The following CD36 variants were observed in gnomAD, a reference collection of about 807,000 sequenced individuals.
CD36 encodes the protein CD36 molecule (CD36 blood group), also known as platelet glycoprotein 4.
Under a neutral mutation model 55.2 loss-of-function variants are expected in CD36, and 119 were observed. The ratio of observed to expected loss-of-function variants is 2.15; its 90% CI spans 1.86 to 2.51. CD36 has a LOEUF of 2.51. Ranked by LOEUF, CD36 falls within the 30% of genes most tolerant of loss-of-function variation. The pLI is 0.00. For synonymous variants in CD36, 186 were observed against 193.6 expected (o/e 0.96, Z 0.33); for missense variants, 819 against 555.5 (o/e 1.47, Z -4.77).
At chr7:80,673,634 G>T in intron 13 of CD36, 1 of 559,552 alleles carries the variant, frequency 1.8e-6, no homozygotes, top group South Asian at 2.3e-5. Flanking sequence ...ACATTTTCTT[G>T]TTGTAACATT....
At chr7:80,632,683 A>G (rs1794153387) in intron 1 of CD36, among the ~76,000 whole-genome samples, 1 of 152,028 alleles carries the variant, frequency 6.6e-6, no homozygotes, top group Non-Finnish European at 1.5e-5. Context: ...TATGGTTTAA[A>G]CAAAATAAGA....
intron 3 of CD36, among the ~76,000 whole-genome samples, chr7:80,655,317 G>C (rs975241073): frequency 3.3e-5 from 5 of 152,164 alleles, no homozygotes; most frequent in Non-Finnish European, 7.3e-5. Flanking sequence ...GGCTCAGAGA[G>C]TGAAAGCTGT....
intron 1 of CD36, among the ~76,000 whole-genome samples, chr7:80,613,254 T>C (rs1268931850): frequency 1.3e-5 from 2 of 152,118 alleles, no homozygotes. Context: ...AATTCAAAGT[T>C]TCAGTGCCAT....
intron 1 of CD36, among the ~76,000 whole-genome samples, chr7:80,628,564 C>T (rs1489440884): frequency 2.0e-5 from 3 of 151,984 alleles, no homozygotes; most frequent in Non-Finnish European, 2.9e-5. Flanking sequence ...TGTTTCTTGA[C>T]TGCACTCATG....
chr7:80,612,801 T>A, intron 1 of CD36, among the ~76,000 whole-genome samples: 1 of 152,174 alleles, frequency 6.6e-6, no homozygotes. Context: ...GGGCTCAATC[T>A]AGCTATTTAA....
At chr7:80,640,400 A>C (rs1794724944) in intron 1 of CD36, among the ~76,000 whole-genome samples, 1 of 152,054 alleles carries the variant, frequency 6.6e-6, no homozygotes, top group African/African-American at 2.4e-5. Flanking sequence ...GTAATATTTC[A>C]AAATAACAAT....
At chr7:80,605,597 A>C (rs1427844871) in intron 1 of CD36, among the ~76,000 whole-genome samples, 1 of 152,166 alleles carries the variant, frequency 6.6e-6, no homozygotes, top group African/African-American at 2.4e-5. Context: ...TCGTTTTTGC[A>C]TCATTTACTC....
Position 80,676,471 on chromosome 7 carries a change from CA to C in CD36, c.*90del, listed in dbSNP as rs1798168633. ...AATTCAGAAGAAGAGTGTACATGCT[CA>C]ACAAATCCTAGGCCCTGCATTCCTG... On this transcript the variant is annotated 3_prime_UTR_variant, in exon 15 of 15. Transcript: ENST00000447544. 1 of 152,098 alleles carries C rather than the reference CA, an allele frequency of 6.6e-6. No individual in the cohort carries two copies. Among genetic ancestry groups the C allele is most frequent in the Admixed American group, 6.6e-5 (1 of 15,250 alleles). 9.4% of individuals were successfully genotyped at this position (152,098 alleles called of 1,614,324 possible). A position where few individuals can be genotyped will look rare whatever the true frequency, so the allele number is the denominator to read the frequency against.
At chr7:80,645,603 G>A (rs1009742047) in intron 1 of CD36, among the ~76,000 whole-genome samples, 5 of 152,128 alleles carry the variant, frequency 3.3e-5, no homozygotes, top group South Asian at 2.1e-4. Context: ...CTGCACTCCA[G>A]CCTGGGTGAC....
intron 1 of CD36, among the ~76,000 whole-genome samples, chr7:80,620,062 A>G (rs1460613297): frequency 1.3e-5 from 2 of 152,118 alleles, no homozygotes; most frequent in East Asian, 3.9e-4. Flanking sequence ...TGAAGATGCT[A>G]TGAACACTGT....
chr7:80,603,842 G>A (rs1792386005), intron 1 of CD36, among the ~76,000 whole-genome samples: 1 of 151,786 alleles, frequency 6.6e-6, no homozygotes, highest in East Asian at 1.9e-4. Flanking sequence ...TGTAGAGTGG[G>A]ATGATTAAAT....
intron 1 of CD36, among the ~76,000 whole-genome samples, chr7:80,641,906 A>T (rs958472370): frequency 6.6e-6 from 1 of 151,564 alleles, no homozygotes; most frequent in South Asian, 2.1e-4. Context: ...TATTTTGCTT[A>T]AAAGTTCATT....
chr7:80,656,429 G>A (rs984755555), intron 3 of CD36, 111 bp from the exon 4 acceptor site: 1 of 852,326 alleles, frequency 1.2e-6, no homozygotes, highest in Non-Finnish European at 2.0e-6. Context: ...CATGAATGAG[G>A]TACTTGGGCT....
chr7:80,665,177 C>G (rs899581439), intron 7 of CD36, among the ~76,000 whole-genome samples: 1 of 151,166 alleles, frequency 6.6e-6, no homozygotes, highest in African/African-American at 2.4e-5. Context: ...AATAACAAAT[C>G]AGCTTCCTAA....
intron 11 of CD36, 97 bp from the exon 12 acceptor site, chr7:80,672,673 G>A: frequency 1.2e-6 from 1 of 832,362 alleles, no homozygotes; most frequent in Non-Finnish European, 2.0e-6. Flanking sequence ...TTAACCTTAA[G>A]TTACTACCTT....
rs1350375035 is a variant in CD36 at position 80,646,744 on chromosome 7, G to T, written c.4G>T (p.Gly2Cys). Residue 2 changes from glycine (G) to cysteine (C), a missense_variant, in exon 3 of 15, where the codon GGC (glycine) becomes TGC (cysteine). Physicochemically the swap from Gly to Cys is radical, Grantham distance 159 (BLOSUM62 -3). Coordinates refer to ENST00000447544, the MANE Select transcript of CD36 (RefSeq NM_001001548.3). ...ATTCACCTCCTGAACAAGAAAAATG[G>T]GCTGTGACCGGAACTGTGGGCTCAT... M[G>C]CDRNCGLIAG... The T allele has an allele frequency of 1.3e-5, 21 of 1,613,800 alleles. No individual in the cohort carries two copies. The highest frequency in any genetic ancestry group is 1.8e-5 in the Non-Finnish European group (21 of 1,179,930).
chr7:80,635,645 G>C (rs10215288), upstream of CD36, among the ~76,000 whole-genome samples: 1 of 152,044 alleles, frequency 6.6e-6, no homozygotes, highest in Non-Finnish European at 1.5e-5. Context: ...TTTTAATCTT[G>C]ACAGCAATTC....
Position 80,630,313 on chromosome 7 carries a change from C to T in CD36, c.-183-15775C>T, listed in dbSNP as rs114020567. Among the ~76,000 whole-genome samples, 726 of 152,044 alleles carry T rather than the reference C, an allele frequency of 4.8e-3. 8 individuals carry two copies. Among genetic ancestry groups the T allele is most frequent in the African/African-American group, 0.017 (701 of 41,496 alleles). ...AGAAGAGCTAATGAACTTACAGTTT[C>T]TTCTAATTTAGAGATATTTGTGTTT... On this transcript the variant is annotated intron_variant, in intron 1 of 13. Transcript: ENST00000309881.
At chr7:80,632,310 CTG>C (rs900087661) in intron 1 of CD36, among the ~76,000 whole-genome samples, 1 of 151,062 alleles carries the variant, frequency 6.6e-6, no homozygotes, top group African/African-American at 2.4e-5. Flanking sequence ...GTATTATTTC[CTG>C]TGTTTCTTTT....
Sources: allele counts gnomAD v4.1 joint callset (sites outside exome capture counted in the v4.1 genomes callset), GRCh38; gene constraint gnomAD v4.1.1; transcripts MANE v1.5; gene names NCBI Gene and HGNC (gene_info 2026-07-23, HGNC 2026-07-21).